TRIO: variants seen among roughly 807,000 people sequenced by gnomAD.
The protein encoded by TRIO is triple functional domain protein.
A neutral mutation model predicts 351.9 loss-of-function variants in TRIO; 58 were observed. The ratio of observed to expected loss-of-function variants is 0.16; its 90% CI spans 0.13 to 0.21. TRIO has a LOEUF of 0.21. Ranked by LOEUF, TRIO falls within the 10% of genes least tolerant of loss-of-function variation. The pLI, the probability that TRIO is intolerant of heterozygous loss-of-function variation, is 1.00. For synonymous variants in TRIO, 1,758 were observed against 1,595.7 expected, an observed-to-expected ratio of 1.10 and a Z score of -2.42; for missense variants, 3,201 against 4,027.8, an observed-to-expected ratio of 0.79 and a Z score of 5.56.
intron 10 of TRIO, among the ~76,000 whole-genome samples, chr5:14,332,097 A>G (rs934288100): frequency 1.3e-5 from 2 of 152,192 alleles, no homozygotes; most frequent in Non-Finnish European, 2.9e-5. Flanking sequence ...CTTTACTATC[A>G]TTAGTAAATC....
intron 16 of TRIO, among the ~76,000 whole-genome samples, chr5:14,368,061 C>G (rs970659381): frequency 5.9e-5 from 9 of 152,216 alleles, no homozygotes; most frequent in Non-Finnish European, 1.2e-4. Flanking sequence ...CTTGGCTCTA[C>G]GGCCTCACTG....
intron 33 of TRIO, among the ~76,000 whole-genome samples, chr5:14,411,698 C>T (rs1749217667): frequency 6.6e-6 from 1 of 152,146 alleles, no homozygotes; most frequent in Non-Finnish European, 1.5e-5. Context: ...GTCTTGAACT[C>T]CTAGGCTCAA....
At chr5:14,436,624 T>G (rs1047912719) in intron 34 of TRIO, among the ~76,000 whole-genome samples, 2 of 152,178 alleles carry the variant, frequency 1.3e-5, no homozygotes, top group African/African-American at 4.8e-5. Flanking sequence ...GTTAGTTACT[T>G]CCTAGATACG....
At chr5:14,438,680 G>A (rs375928085) in intron 34 of TRIO, among the ~76,000 whole-genome samples, 31 of 152,314 alleles carry the variant, frequency 2.0e-4, no homozygotes, top group Admixed American at 1.2e-3. Flanking sequence ...AGGCCTTGGC[G>A]TCAAAACTTA....
chr5:14,409,930 G>A (rs559771306), intron 33 of TRIO, among the ~76,000 whole-genome samples: 1 of 151,666 alleles, frequency 6.6e-6, no homozygotes, highest in South Asian at 2.1e-4. Flanking sequence ...CTTTCTTACT[G>A]AGGACCGCAG....
rs1338801331 is a variant in TRIO, at chr5:14,143,706, CCGCGGG to C, written c.-16_-11del. 27 of 975,394 alleles carry C rather than the reference CCGCGGG, an allele frequency of 2.8e-5. No homozygotes were observed. Among genetic ancestry groups the C allele is most frequent in the Non-Finnish European group, 3.0e-5 (25 of 824,790 alleles). The allele number at this position is 975,394 out of a possible 1,614,324, so 60.4% of individuals were successfully genotyped here. ...GGCGCGGGGCCCGAGGCGGGCGCGG[CCGCGGG>C]CGCCGCCGCAGCCATGAGCGGCAGC... On this transcript the variant is annotated 5_prime_UTR_variant, in exon 1 of 57. Transcript: ENST00000344204.
chr5:14,353,143 G>A (rs569886225), intron 11 of TRIO, among the ~76,000 whole-genome samples: 1 of 152,166 alleles, frequency 6.6e-6, no homozygotes, highest in Non-Finnish European at 1.5e-5. Context: ...TCTAGAGAAG[G>A]AAGATTTTAA....
chr5:14,332,762 C>T (rs1027913458), intron 10 of TRIO, among the ~76,000 whole-genome samples: 2 of 152,178 alleles, frequency 1.3e-5, no homozygotes, highest in Non-Finnish European at 2.9e-5. Context: ...CTTCATCTCT[C>T]GGAGCCTCGG....
Position 14,487,752 on chromosome 5 carries a change from C to T in TRIO, c.7124C>T (p.Ser2375Phe). The change falls in exon 48 of 57, where the codon TCC (serine) becomes TTC (phenylalanine). Residue 2375 changes from serine to phenylalanine, a missense_variant. By Grantham distance (155) the Ser-to-Phe change is radical (BLOSUM62 -2). Transcript: ENST00000344204. ...KMSGTSTPGP[S>F]LPPPGAAPEA... ...TCAGGTACGTCCACCCCCGGGCCCT[C>T]CCTGCCTCCCCCTGGCGCGGCCCCC... 7.2e-7 allele frequency: 1 copy of T among 1,389,672 alleles called. No individual in the cohort carries two copies. The highest frequency in any genetic ancestry group is 3.2e-5 in the East Asian group (1 of 31,072). The allele number at this position is 1,389,672 out of a possible 1,614,324, so 86.1% of individuals were successfully genotyped here. A position where few individuals can be genotyped will look rare whatever the true frequency, so the allele number is the denominator to read the frequency against.
At chr5:14,200,498 T>C (rs900317954) in intron 1 of TRIO, among the ~76,000 whole-genome samples, 1 of 152,234 alleles carries the variant, frequency 6.6e-6, no homozygotes, top group Non-Finnish European at 1.5e-5. Context: ...ACATCTGTGC[T>C]CCTAGGGTCT....
At chr5:14,341,489 A>G (rs1336115976) in intron 11 of TRIO, among the ~76,000 whole-genome samples, 3 of 152,156 alleles carry the variant, frequency 2.0e-5, no homozygotes, top group East Asian at 3.8e-4. Context: ...TAACTAGTCT[A>G]CCTCCTGGAA....
intron 1 of TRIO, among the ~76,000 whole-genome samples, chr5:14,210,846 A>C (rs1396711489): frequency 6.6e-6 from 1 of 152,112 alleles, no homozygotes; most frequent in Non-Finnish European, 1.5e-5. Context: ...AGAGGATGAC[A>C]CATATTCAAA....
At chr5:14,179,262 ACTT>A (rs1389711760) in intron 1 of TRIO, among the ~76,000 whole-genome samples, 1 of 151,992 alleles carries the variant, frequency 6.6e-6, no homozygotes, top group Non-Finnish European at 1.5e-5. Context: ...GTACCCTGTG[ACTT>A]CTTTACCATG....
chr5:14,275,679 A>G (rs1735434012), intron 2 of TRIO, among the ~76,000 whole-genome samples: 1 of 151,670 alleles, frequency 6.6e-6, no homozygotes, highest in Non-Finnish European at 1.5e-5. Flanking sequence ...GATAAACAAA[A>G]ATGTAATAGG....
In TRIO at chr5:14,498,198, G is replaced by T. The variant is rs763007498; in HGVS notation, c.8157G>T (p.Lys2719Asn). Residue 2719 changes from lysine to asparagine, a missense_variant, in exon 52 of 57, where the codon AAG becomes AAT. Coordinates refer to ENST00000344204, the MANE Select transcript of TRIO (RefSeq NM_007118.4). ...GCCCCAAAGCCTCAATTACCTGGAA[G>T]GGCCCTGAACACAACACCTTGAACA... ...CGRPKASITW[K>N]GPEHNTLNND... is the part of the protein sequence containing the mutation. The T allele has an allele frequency of 1.2e-6, 2 of 1,614,212 alleles. No individual in the cohort carries two copies. The highest frequency in any genetic ancestry group is 1.7e-6 in the Non-Finnish European group (2 of 1,180,036).
intron 1 of TRIO, among the ~76,000 whole-genome samples, chr5:14,238,862 C>T (rs1793949617): frequency 6.6e-6 from 1 of 152,222 alleles, no homozygotes; most frequent in South Asian, 2.1e-4. Flanking sequence ...ACCTGGCTGG[C>T]TGCCTTGTTA....
chr5:14,384,097 AAGAG>A (rs1186849625), intron 21 of TRIO, among the ~76,000 whole-genome samples: 1 of 152,044 alleles, frequency 6.6e-6, no homozygotes, highest in African/African-American at 2.4e-5. Flanking sequence ...GTGTTTATTT[AAGAG>A]AGATTTCTGT....
intron 1 of TRIO, among the ~76,000 whole-genome samples, chr5:14,173,587 CTGTTTTTTGTTT>C (rs1491444599): frequency 4.0e-5 from 6 of 151,158 alleles, no homozygotes; most frequent in Non-Finnish European, 7.4e-5. Context: ...AATAAGCCCA[CTGTTTTTTGTTT>C]TGTTTTTTGT....
intron 13 of TRIO, 49 bp from the exon 14 acceptor site, chr5:14,363,683 T>C (rs774761889): frequency 6.4e-7 from 1 of 1,559,206 alleles, no homozygotes; most frequent in Non-Finnish European, 8.8e-7. Context: ...GAGTGAGAGG[T>C]GGCTGCATGT....
Sources: allele counts gnomAD v4.1 joint callset (sites outside exome capture counted in the v4.1 genomes callset), GRCh38; gene constraint gnomAD v4.1.1; transcripts MANE v1.5; gene names NCBI Gene and HGNC (gene_info 2026-07-23, HGNC 2026-07-21).